The following ADCY2 variants were observed in gnomAD, a reference collection of about 807,000 sequenced individuals.
ADCY2 encodes the protein adenylate cyclase type 2.
In ADCY2, 31 loss-of-function variants were observed where a neutral mutation model predicts 125.2. The observed-to-expected ratio is 0.25, with a 90% CI of 0.19 to 0.33. The LOEUF (loss-of-function observed/expected upper bound fraction) is 0.33, where lower values mean the gene tolerates loss of function less well. Among genes scored for constraint, ADCY2 ranks in the 10% least tolerant of loss-of-function variants. The pLI, the probability that ADCY2 is intolerant of heterozygous loss-of-function variation, is 1.00. For missense variants in ADCY2, 904 were observed against 1,418.2 expected, an observed-to-expected ratio of 0.64 and a Z score of 5.82; for synonymous variants, 512 against 548.4, an observed-to-expected ratio of 0.93 and a Z score of 0.93.
At chr5:7,468,335 A>C (rs1416613794) in intron 2 of ADCY2, among the ~76,000 whole-genome samples, 1 of 152,178 alleles carries the variant, frequency 6.6e-6, no homozygotes, top group Non-Finnish European at 1.5e-5. Flanking sequence ...GTGTTCTTTG[A>C]GGAAAGAACA....
At chr5:7,487,621 G>A (rs1289841770) in intron 2 of ADCY2, among the ~76,000 whole-genome samples, 1 of 152,102 alleles carries the variant, frequency 6.6e-6, no homozygotes, top group East Asian at 1.9e-4. Flanking sequence ...TCAGCTCCTA[G>A]ATAACACATT....
intron 1 of ADCY2, among the ~76,000 whole-genome samples, 187 bp from the exon 2 acceptor site, chr5:7,414,382 TTTAG>T (rs1739854035): frequency 6.6e-6 from 1 of 152,172 alleles, no homozygotes; most frequent in African/African-American, 2.4e-5. Context: ...GGATTATCTA[TTTAG>T]AAAAACATGC....
intron 2 of ADCY2, among the ~76,000 whole-genome samples, chr5:7,501,581 G>C (rs1455536316): frequency 7.4e-6 from 1 of 135,194 alleles, no homozygotes; most frequent in Non-Finnish European, 1.5e-5. Flanking sequence ...AGACCATGAG[G>C]AATGATAATG....
chr5:7,484,308 T>C (rs1742845158), intron 2 of ADCY2, among the ~76,000 whole-genome samples: 1 of 152,190 alleles, frequency 6.6e-6, no homozygotes, highest in Non-Finnish European at 1.5e-5. Context: ...GAAAATGGAT[T>C]AGGGAAAAAT....
At chr5:7,703,867 G>T (rs1052782558) in intron 7 of ADCY2, among the ~76,000 whole-genome samples, 16 of 151,956 alleles carry the variant, frequency 1.1e-4, no homozygotes, top group African/African-American at 3.4e-4. Context: ...AGCCAGGCCT[G>T]GTGGTGCACG....
intron 15 of ADCY2, among the ~76,000 whole-genome samples, chr5:7,745,641 C>G (rs1742575341): frequency 6.6e-6 from 1 of 152,184 alleles, no homozygotes; most frequent in Non-Finnish European, 1.5e-5. Flanking sequence ...CTCCCCTGCT[C>G]TCTTCCTTGC....
intron 18 of ADCY2, among the ~76,000 whole-genome samples, chr5:7,777,039 G>A (rs541945342): frequency 6.2e-5 from 9 of 145,046 alleles, no homozygotes; most frequent in African/African-American, 1.8e-4. Context: ...GCCAATTCTC[G>A]GTAATAAACT....
chr5:7,455,068 A>G (rs1367968569), intron 2 of ADCY2, among the ~76,000 whole-genome samples: 2 of 152,170 alleles, frequency 1.3e-5, no homozygotes, highest in Non-Finnish European at 2.9e-5. Context: ...AACTTTCCAC[A>G]TTCTATACCC....
chr5:7,473,097 G>C (rs1742399005), intron 2 of ADCY2, among the ~76,000 whole-genome samples: 1 of 151,892 alleles, frequency 6.6e-6, no homozygotes, highest in Non-Finnish European at 1.5e-5. Flanking sequence ...CCCAGCATAA[G>C]GCACATTCTT....
chr5:7,499,705 GTA>G lies in ADCY2; in HGVS notation c.409-21025_409-21024del, dbSNP rs1230899544. On this transcript the variant is annotated intron_variant, in intron 2 of 24. Coordinates refer to ENST00000338316, the MANE Select transcript of ADCY2 (RefSeq NM_020546.3). ...TATGTATATATATGTGTATATATAT[GTA>G]TATATATGTATATATATAAAATGTT... Among the ~76,000 whole-genome samples the G allele has an allele frequency of 2.0e-4, 25 of 127,712 alleles. No homozygotes were observed. In the East Asian group the frequency reaches 5.2e-3, roughly 26 times the overall value. The allele number at this position is 127,712 out of a possible 152,430, so 83.8% of individuals were successfully genotyped here.
intron 3 of ADCY2, among the ~76,000 whole-genome samples, chr5:7,539,920 T>G (rs570626753): frequency 6.6e-4 from 101 of 152,242 alleles, no homozygotes; most frequent in Non-Finnish European, 1.2e-3. Flanking sequence ...CACAAAGTCC[T>G]TGACTCTCTG....
intron 2 of ADCY2, among the ~76,000 whole-genome samples, chr5:7,503,612 G>A (rs1479498381): frequency 1.3e-5 from 2 of 152,268 alleles, no homozygotes; most frequent in Middle Eastern, 3.4e-3. Flanking sequence ...CTTCACCTCT[G>A]GATTCTGTTT....
At chr5:7,590,989 G>A (rs975609934) in intron 3 of ADCY2, among the ~76,000 whole-genome samples, 6 of 152,042 alleles carry the variant, frequency 3.9e-5, no homozygotes, top group Non-Finnish European at 7.4e-5. Flanking sequence ...TATTTTAAAG[G>A]TAATTCAGTT....
chr5:7,722,275 C>T (rs1741785852), intron 12 of ADCY2, among the ~76,000 whole-genome samples: 1 of 152,182 alleles, frequency 6.6e-6, no homozygotes, highest in Non-Finnish European at 1.5e-5. Flanking sequence ...CCATGGAAAC[C>T]TAGACTGGGT....
At chr5:7,753,129 C>A (rs1579392320) in intron 15 of ADCY2, among the ~76,000 whole-genome samples, 1 of 152,224 alleles carries the variant, frequency 6.6e-6, no homozygotes, top group African/African-American at 2.4e-5. Context: ...AAACTCCTGA[C>A]CTCATGATCT....
At chr5:7,814,913 C>G (rs980871937) in intron 22 of ADCY2, among the ~76,000 whole-genome samples, 4 of 152,172 alleles carry the variant, frequency 2.6e-5, no homozygotes, top group East Asian at 1.9e-4. Context: ...CTCCTGGTCT[C>G]TCAGCTGTTT....
intron 2 of ADCY2, among the ~76,000 whole-genome samples, chr5:7,425,939 C>A (rs1321783710): frequency 1.3e-5 from 2 of 152,180 alleles, no homozygotes; most frequent in East Asian, 1.9e-4. Flanking sequence ...TTAATTAACT[C>A]ATTGCTGTAC....
intron 2 of ADCY2, among the ~76,000 whole-genome samples, chr5:7,505,491 A>G (rs1390099113): frequency 6.6e-6 from 1 of 152,218 alleles, no homozygotes; most frequent in African/African-American, 2.4e-5. Context: ...GGGAGAGCAC[A>G]AGGTTTCAGG....
chr5:7,490,902 TGATACAAGTAAGA>T (rs1743139133), intron 2 of ADCY2, among the ~76,000 whole-genome samples: 1 of 152,168 alleles, frequency 6.6e-6, no homozygotes, highest in African/African-American at 2.4e-5. Flanking sequence ...TCATTTAATA[TGATACAAGTAAGA>T]AATAGAAACT....
Sources: allele counts gnomAD v4.1 joint callset (sites outside exome capture counted in the v4.1 genomes callset), GRCh38; gene constraint gnomAD v4.1.1; transcripts MANE v1.5; gene names NCBI Gene and HGNC (gene_info 2026-07-23, HGNC 2026-07-21).